The following ADGRL3 variants were observed in gnomAD, a reference collection of about 807,000 sequenced individuals.
ADGRL3 encodes the protein calcium-independent alpha-latrotoxin receptor 3.
Under a neutral mutation model 153.5 loss-of-function variants are expected in ADGRL3, and 62 were observed. The observed-to-expected ratio is 0.40, with a 90% CI of 0.33 to 0.50. ADGRL3 has a LOEUF of 0.50. Among genes scored for constraint, ADGRL3 ranks in the 20% least tolerant of loss-of-function variants. The pLI is 0.47. For synonymous variants in ADGRL3, 710 were observed against 672.5 expected (o/e 1.06, Z -0.86); for missense variants, 1,641 against 1,859.4 (o/e 0.88, Z 2.16).
chr4:61,969,217 A>G (rs1352686750), intron 17 of ADGRL3, among the ~76,000 whole-genome samples: 1 of 152,174 alleles, frequency 6.6e-6, no homozygotes. Context: ...GAACAAAATG[A>G]TAATGAATGT....
In ADGRL3 at chr4:61,732,752, A is replaced by C; in HGVS notation, c.599-2A>C. On this transcript the variant is annotated splice_acceptor_variant, in intron 7 of 26. Coordinates refer to ENST00000683033, the MANE Select transcript of ADGRL3 (RefSeq NM_001387552.1). LOFTEE classifies it high-confidence loss of function. ...TTATTTTAACTGTTTCCCTTCCAAC[A>C]GTTTTTCTTTGTCCTGGACTACTAA... 1 of 1,486,564 alleles carries C rather than the reference A, an allele frequency of 6.7e-7. No individual in the cohort carries two copies. The highest frequency in any genetic ancestry group is 9.0e-7 in the Non-Finnish European group (1 of 1,111,302). The allele number at this position is 1,486,564 out of a possible 1,614,324, so 92.1% of individuals were successfully genotyped here.
chr4:61,506,339 A>C (rs971345565), intron 3 of ADGRL3, among the ~76,000 whole-genome samples: 2 of 152,102 alleles, frequency 1.3e-5, no homozygotes, highest in African/African-American at 4.8e-5. Context: ...TTAAAATACA[A>C]CACCATCTTG....
At position 61,755,155 on chromosome 4, in the gene ADGRL3, A is replaced by T. The variant is rs1246640200; in HGVS notation, c.1399+21601A>T. Among the ~76,000 whole-genome samples the T allele has an allele frequency of 3.3e-5, 5 of 152,238 alleles. No homozygotes were observed. The East Asian group carries it at 9.6e-4, about 29-fold the overall frequency. On this transcript the variant is annotated intron_variant, in intron 8 of 26. Transcript: ENST00000683033. ...ACCCAGTAATGGGATGGCTGGGTCA[A>T]ATGGTATTTCTAGTTCTAGATCCCT...
intron 1 of ADGRL3, among the ~76,000 whole-genome samples, chr4:61,364,913 C>G (rs1424829637): frequency 6.6e-6 from 1 of 151,996 alleles, no homozygotes; most frequent in African/African-American, 2.4e-5. Context: ...TTAATAGATA[C>G]GATAAATAAT....
At chr4:62,045,371 T>G (rs1730566594) in intron 25 of ADGRL3, among the ~76,000 whole-genome samples, 1 of 152,012 alleles carries the variant, frequency 6.6e-6, no homozygotes, top group Admixed American at 6.6e-5. Context: ...TGGGAAATAT[T>G]TAGAATATAG....
intron 13 of ADGRL3, among the ~76,000 whole-genome samples, chr4:61,929,037 A>G (rs2098806456): frequency 6.6e-6 from 1 of 152,128 alleles, no homozygotes; most frequent in African/African-American, 2.4e-5. Context: ...TCTGTTAAAG[A>G]TAAATAAATA....
chr4:61,473,962 T>A (rs2152697457), intron 2 of ADGRL3, among the ~76,000 whole-genome samples: 1 of 152,212 alleles, frequency 6.6e-6, no homozygotes, highest in Middle Eastern at 3.4e-3. Flanking sequence ...TAATAAAGTA[T>A]TCTGGACCCT....
At chr4:61,392,708 A>AAAAAAAAAAG (rs1560565678) in intron 2 of ADGRL3, among the ~76,000 whole-genome samples, 2 of 92,732 alleles carry the variant, frequency 2.2e-5, no homozygotes, top group Non-Finnish European at 4.7e-5. Flanking sequence ...AAAAAAAAAG[A>AAAAAAAAAAG]AAAAGGAAAA....
At chr4:61,568,462 A>G (rs1055507806) in intron 4 of ADGRL3, among the ~76,000 whole-genome samples, 3 of 152,112 alleles carry the variant, frequency 2.0e-5, no homozygotes, top group African/African-American at 7.2e-5. Context: ...ACTATGGTAC[A>G]GAAACTATGC....
chr4:61,247,179 G>A (rs1030671500), intron 1 of ADGRL3, among the ~76,000 whole-genome samples: 1 of 151,898 alleles, frequency 6.6e-6, no homozygotes, highest in Non-Finnish European at 1.5e-5. Flanking sequence ...TAACCATTAA[G>A]TTATCATATA....
intron 5 of ADGRL3, among the ~76,000 whole-genome samples, chr4:61,615,759 G>A (rs2091929015): frequency 6.6e-6 from 1 of 151,880 alleles, no homozygotes; most frequent in South Asian, 2.1e-4. Flanking sequence ...AACTATCATA[G>A]ATTTATTGAC....
At chr4:62,007,218 C>CTT (rs1285547188) in intron 21 of ADGRL3, among the ~76,000 whole-genome samples, 1 of 150,694 alleles carries the variant, frequency 6.6e-6, no homozygotes, top group East Asian at 2.0e-4. Flanking sequence ...TCAGAAGCCC[C>CTT]TTGCTGGTAT....
At chr4:61,681,126 T>C (rs1580251649) in intron 6 of ADGRL3, among the ~76,000 whole-genome samples, 1 of 152,096 alleles carries the variant, frequency 6.6e-6, no homozygotes, top group East Asian at 1.9e-4. Flanking sequence ...TCACCCTACC[T>C]CCTTCCCTTC....
intron 9 of ADGRL3, among the ~76,000 whole-genome samples, 163 bp downstream of exon 9, chr4:61,814,052 A>C (rs891876875): frequency 6.6e-6 from 1 of 152,234 alleles, no homozygotes; most frequent in East Asian, 1.9e-4. Flanking sequence ...ATTTATAAAC[A>C]AAAATGTGAA....
At chr4:61,872,969 A>G (rs1357782270) in intron 9 of ADGRL3, among the ~76,000 whole-genome samples, 2 of 152,198 alleles carry the variant, frequency 1.3e-5, no homozygotes. Flanking sequence ...TTTAAAATGC[A>G]CTGTAGTGCC....
At chr4:61,579,129 C>T (rs1325022717) in intron 4 of ADGRL3, among the ~76,000 whole-genome samples, 1 of 152,030 alleles carries the variant, frequency 6.6e-6, no homozygotes. Context: ...AGGACCACTC[C>T]TAGACCTGAG....
rs189347052 is a variant in ADGRL3 at position 61,979,017 on chromosome 4, G to A, written c.2806-546G>A. On this transcript the variant is annotated intron_variant, in intron 17 of 26. Coordinates refer to ENST00000683033, the MANE Select transcript of ADGRL3 (RefSeq NM_001387552.1). Reference sequence around the variant, plus strand: ...GTGTGGCTATTCATCAGAATTCACTGGGGATCTTTATGAAAATACATACTT... The same window carrying A: ...GTGTGGCTATTCATCAGAATTCACTAGGGATCTTTATGAAAATACATACTT... Among the ~76,000 whole-genome samples the A allele has an allele frequency of 1.1e-4, 16 of 152,148 alleles. No homozygotes were observed. The East Asian group carries it at 2.3e-3, about 22-fold the overall frequency.
At chr4:61,693,256 G>A (rs1221778979) in intron 6 of ADGRL3, among the ~76,000 whole-genome samples, 1 of 151,890 alleles carries the variant, frequency 6.6e-6, no homozygotes, top group Non-Finnish European at 1.5e-5. Flanking sequence ...TATTTATTTA[G>A]TTTCCTATAT....
At chr4:61,845,317 T>A (rs537568508) in intron 9 of ADGRL3, among the ~76,000 whole-genome samples, 3 of 152,082 alleles carry the variant, frequency 2.0e-5, no homozygotes, top group African/African-American at 7.2e-5. Context: ...GCTTTATTTT[T>A]ATTTTTATCT....
Sources: gnomAD v4.1 joint callset for allele counts (sites outside exome capture counted in the v4.1 genomes callset) on GRCh38, gnomAD v4.1.1 for gene constraint, MANE v1.5 for transcripts, NCBI Gene and HGNC (gene_info 2026-07-23, HGNC 2026-07-21) for gene names.